Variants in CADM1 observed in about 807,000 individuals in gnomAD.
CADM1 encodes the protein TSLC-1.
Under a neutral mutation model 53.1 loss-of-function variants are expected in CADM1, and 15 were observed. The observed-to-expected ratio is 0.28, with a 90% CI of 0.19 to 0.44. CADM1 has a LOEUF of 0.44. Ranked by LOEUF, CADM1 falls within the 20% of genes least tolerant of loss-of-function variation. The pLI, the probability that CADM1 is intolerant of heterozygous loss-of-function variation, is 1.00. For synonymous variants in CADM1, 281 were observed against 243.0 expected, an observed-to-expected ratio of 1.16 and a Z score of -1.45; for missense variants, 434 against 611.3, an observed-to-expected ratio of 0.71 and a Z score of 3.06.
chr11:115,174,226 G>A lies in CADM1; in HGVS notation c.*2248C>T. 1.0e-6 allele frequency: 1 copy of A among 984,662 alleles called. No homozygotes were observed. Among genetic ancestry groups the A allele is most frequent in the Non-Finnish European group, 1.2e-6 (1 of 829,776 alleles). The allele number at this position is 984,662 out of a possible 1,614,324, so 61.0% of individuals were successfully genotyped here. A position where few individuals can be genotyped will look rare whatever the true frequency, so the allele number is the denominator to read the frequency against. The stretch of plus-strand genomic sequence containing the variant: ...ACTTTTCAAAACAGAAAGATGGGAG[G>A]TCCCAAAAATGAGATGCCAATTCTG... On this transcript the variant is annotated 3_prime_UTR_variant, in exon 12 of 12. Coordinates refer to ENST00000331581, the MANE Select transcript of CADM1 (RefSeq NM_001301043.2).
intron 1 of CADM1, among the ~76,000 whole-genome samples, chr11:115,267,678 CTTT>C (rs56712105): frequency 2.3e-5 from 3 of 131,290 alleles, no homozygotes; most frequent in Non-Finnish European, 3.4e-5. Context: ...AAATTGCTTT[CTTT>C]TTTTTTTTTT....
intron 1 of CADM1, among the ~76,000 whole-genome samples, chr11:115,263,375 T>C (rs552587515): frequency 2.0e-5 from 3 of 152,354 alleles, no homozygotes; most frequent in Admixed American, 2.0e-4. Context: ...GAGGAATTAA[T>C]AAATATTTGG....
intron 5 of CADM1, among the ~76,000 whole-genome samples, chr11:115,222,345 C>T (rs79092963): frequency 0.03 from 4,593 of 152,188 alleles, 213 homozygotes; most frequent in African/African-American, 0.1. Context: ...CAAGAATCAA[C>T]CCCTACAATA....
intron 1 of CADM1, among the ~76,000 whole-genome samples, chr11:115,330,940 G>A (rs1373889525): frequency 6.6e-6 from 1 of 152,142 alleles, no homozygotes; most frequent in African/African-American, 2.4e-5. Flanking sequence ...CACTGGACAT[G>A]AACAAAAGGG....
At chr11:115,276,879 T>C (rs1943459866) in intron 1 of CADM1, among the ~76,000 whole-genome samples, 1 of 152,032 alleles carries the variant, frequency 6.6e-6, no homozygotes, top group Non-Finnish European at 1.5e-5. Flanking sequence ...CCTGCCCTCA[T>C]ACTGTCATCT....
At chr11:115,231,098 T>C (rs1379579747) in intron 4 of CADM1, among the ~76,000 whole-genome samples, 6 of 152,296 alleles carry the variant, frequency 3.9e-5, no homozygotes, top group African/African-American at 1.4e-4. Context: ...AGTTTACAGT[T>C]TTAGTTCTTT....
At chr11:115,495,258 T>C (rs776884957) in intron 1 of CADM1, among the ~76,000 whole-genome samples, 4 of 152,220 alleles carry the variant, frequency 2.6e-5, no homozygotes, top group Admixed American at 6.5e-5. Flanking sequence ...GGATGACTTG[T>C]AACATCCAGG....
At chr11:115,316,439 GA>G (rs1401676741) in intron 1 of CADM1, among the ~76,000 whole-genome samples, 1 of 152,176 alleles carries the variant, frequency 6.6e-6, no homozygotes, top group Non-Finnish European at 1.5e-5. Context: ...AGAAAAGGAA[GA>G]GGCAGAGGTT....
chr11:115,193,520 C>T (rs1939995929), intron 9 of CADM1, among the ~76,000 whole-genome samples: 2 of 152,138 alleles, frequency 1.3e-5, no homozygotes, highest in African/African-American at 4.8e-5. Flanking sequence ...TCAGGTAATG[C>T]TTTTGCCGTT....
intron 1 of CADM1, among the ~76,000 whole-genome samples, chr11:115,331,112 G>A (rs964087345): frequency 6.6e-6 from 1 of 152,072 alleles, no homozygotes; most frequent in Non-Finnish European, 1.5e-5. Flanking sequence ...AAACTAGAAT[G>A]GGCTCAGTGC....
At chr11:115,203,398 C>T (rs965971952) in intron 8 of CADM1, among the ~76,000 whole-genome samples, 3 of 152,010 alleles carry the variant, frequency 2.0e-5, no homozygotes, top group Admixed American at 2.0e-4. Flanking sequence ...GATGTTGCCA[C>T]GAGGGTAGTG....
chr11:115,424,538 G>GT (rs1018671540), intron 1 of CADM1, among the ~76,000 whole-genome samples: 6 of 152,040 alleles, frequency 3.9e-5, no homozygotes, highest in African/African-American at 7.2e-5. Flanking sequence ...TGTTTTTTGG[G>GT]TTTTTTTGAG....
intron 1 of CADM1, among the ~76,000 whole-genome samples, chr11:115,404,064 G>A (rs1236898209): frequency 9.3e-5 from 14 of 150,212 alleles, no homozygotes; most frequent in Admixed American, 3.3e-4. Flanking sequence ...AGTTGCTCAC[G>A]CCTGTAATCC....
intron 7 of CADM1, among the ~76,000 whole-genome samples, chr11:115,210,855 C>A (rs1389552274): frequency 6.6e-6 from 1 of 152,120 alleles, no homozygotes; most frequent in Non-Finnish European, 1.5e-5. Context: ...TACCATCGAT[C>A]AACAATCTGA....
At position 115,238,372 on chromosome 11, in the gene CADM1, C is replaced by T. The variant is rs538009669; in HGVS notation, c.424+128G>A. Reference sequence around the variant, plus strand: ...AAAATAGGCTATTTTTAAAATTCAGCAAGATGGGCGGTGATTCTTCCTGAA... The same window carrying T: ...AAAATAGGCTATTTTTAAAATTCAGTAAGATGGGCGGTGATTCTTCCTGAA... On this transcript the variant is annotated intron_variant, in intron 3 of 11. Transcript: ENST00000331581. 203 of 1,030,822 alleles carry T rather than the reference C, an allele frequency of 2.0e-4. No homozygotes were observed. The African/African-American group carries it at 2.9e-3, about 15-fold the overall frequency. 63.9% of individuals were successfully genotyped at this position (1,030,822 alleles called of 1,614,324 possible).
intron 1 of CADM1, among the ~76,000 whole-genome samples, chr11:115,390,552 G>A (rs977038975): frequency 4.6e-5 from 7 of 151,710 alleles, no homozygotes; most frequent in African/African-American, 1.7e-4. Context: ...AAAACTAAGT[G>A]ACAATGATCA....
intron 1 of CADM1, among the ~76,000 whole-genome samples, chr11:115,359,385 G>A (rs954429114): frequency 2.6e-5 from 4 of 152,024 alleles, no homozygotes; most frequent in African/African-American, 9.7e-5. Context: ...AATGTATTAA[G>A]ATGAGATGAT....
intron 1 of CADM1, among the ~76,000 whole-genome samples, chr11:115,367,194 C>T (rs1946186395): frequency 6.6e-6 from 1 of 152,192 alleles, no homozygotes; most frequent in African/African-American, 2.4e-5. Flanking sequence ...CACCGCACTT[C>T]AGTCTGGGCC....
At chr11:115,215,224 T>C (rs915777155) in intron 6 of CADM1, among the ~76,000 whole-genome samples, 2 of 152,210 alleles carry the variant, frequency 1.3e-5, no homozygotes, top group African/African-American at 2.4e-5. Context: ...TTGTGATATT[T>C]AGATGGATTT....
Sources: gnomAD v4.1 joint callset for allele counts (sites outside exome capture counted in the v4.1 genomes callset) on GRCh38, gnomAD v4.1.1 for gene constraint, MANE v1.5 for transcripts, NCBI Gene and HGNC (gene_info 2026-07-23, HGNC 2026-07-21) for gene names.